IL16: variants seen among roughly 807,000 people sequenced by gnomAD.
The protein encoded by IL16 is interleukin 16.
Under a neutral mutation model 110.1 loss-of-function variants are expected in IL16, and 67 were observed. The ratio of observed to expected loss-of-function variants is 0.61; its 90% CI spans 0.50 to 0.75. The LOEUF (loss-of-function observed/expected upper bound fraction) is 0.75, where lower values mean the gene tolerates loss of function less well. Ranked by LOEUF, IL16 falls within the 30% of genes least tolerant of loss-of-function variation. The pLI is 0.00. For missense variants in IL16, 1,545 were observed against 1,655.0 expected (o/e 0.93, Z 1.15); for synonymous variants, 689 against 662.9 (o/e 1.04, Z -0.61).
chr15:81,261,912 T>C (rs200410038), intron 3 of IL16, among the ~76,000 whole-genome samples: 1 of 151,444 alleles, frequency 6.6e-6, no homozygotes, highest in Non-Finnish European at 1.5e-5. Flanking sequence ...CTACAAAAAA[T>C]TTTTTTAAAA....
chr15:81,267,489 C>CACACACACACACACACAT (rs1555420225), intron 4 of IL16, among the ~76,000 whole-genome samples: 3 of 142,602 alleles, frequency 2.1e-5, no homozygotes, highest in African/African-American at 8.8e-5. Context: ...GACACACACA[C>CACACACACACACACACAT]ACACACACAC....
chr15:81,263,205 G>T (rs1898227402), intron 3 of IL16, among the ~76,000 whole-genome samples: 1 of 152,130 alleles, frequency 6.6e-6, no homozygotes, highest in Admixed American at 6.5e-5. Flanking sequence ...GAAGAAGTTA[G>T]CTTGGTGTTA....
intron 1 of IL16, among the ~76,000 whole-genome samples, chr15:81,213,901 A>ATTTTGATCCTGTCCTCATG (rs1256007793): frequency 2.6e-5 from 4 of 152,066 alleles, no homozygotes; most frequent in African/African-American, 9.7e-5. Flanking sequence ...GATATGCGTG[A>ATTTTGATCCTGTCCTCATG]TTTTGATCCT....
At chr15:81,208,637 T>G (rs1395012236) in intron 1 of IL16, among the ~76,000 whole-genome samples, 1 of 152,258 alleles carries the variant, frequency 6.6e-6, no homozygotes, top group African/African-American at 2.4e-5. Flanking sequence ...GTCCATATTT[T>G]GGTTTTAAAA....
At chr15:81,289,961 C>T (rs541026811) in intron 10 of IL16, 4 of 435,436 alleles carry the variant, frequency 9.2e-6, no homozygotes, top group Non-Finnish European at 1.8e-5. Flanking sequence ...CACACCTAGA[C>T]AGTAGAGGAA....
At chr15:81,198,247 A>T (rs8043462) in intron 1 of IL16, among the ~76,000 whole-genome samples, 3 of 151,950 alleles carry the variant, frequency 2.0e-5, no homozygotes, top group Non-Finnish European at 2.9e-5. Context: ...CCAGGCACCA[A>T]GCTAAAATAT....
chr15:81,285,663 C>T, intron 9 of IL16, 35 bp from the exon 10 acceptor site: 1 of 1,610,786 alleles, frequency 6.2e-7, no homozygotes, highest in Non-Finnish European at 8.5e-7. Context: ...CTCATTGATT[C>T]ACTTACTGAT....
rs573326395 is a variant in IL16 at position 81,216,132 on chromosome 15, G to A, written c.-101-9167G>A. Among the ~76,000 whole-genome samples the A allele has an allele frequency of 5.3e-5, 8 of 152,336 alleles. No homozygotes were observed. In the South Asian group the frequency reaches 8.3e-4, roughly 16 times the overall value. ...AGCTGGGGCCAGCGCCTCCCAGAGGGGAATAGAGAGTCCTGGGGGATGACC... is the reference window on the plus strand; with the variant it reads ...AGCTGGGGCCAGCGCCTCCCAGAGGAGAATAGAGAGTCCTGGGGGATGACC... On this transcript the variant is annotated intron_variant, in intron 1 of 18. Transcript: ENST00000683961.
intron 1 of IL16, among the ~76,000 whole-genome samples, chr15:81,203,118 G>A (rs939152444): frequency 6.6e-6 from 1 of 151,812 alleles, no homozygotes; most frequent in African/African-American, 2.4e-5. Flanking sequence ...CTGCGTAAAT[G>A]TCTTCTTTTG....
chr15:81,306,385 G>C, intron 17 of IL16, 35 bp from the exon 18 acceptor site: 1 of 1,610,578 alleles, frequency 6.2e-7, no homozygotes, highest in Non-Finnish European at 8.5e-7. Flanking sequence ...TGGGAGAGGA[G>C]AGGATCCCTA....
Position 81,231,180 on chromosome 15 carries a change from CA to C in IL16, c.312+5471del, listed in dbSNP as rs1344045023. 5.3e-5 allele frequency among the ~76,000 whole-genome samples: 8 copies of C among 151,482 alleles called. 1 individual carries two copies. Among genetic ancestry groups the C allele is most frequent in the Admixed American group, 5.3e-4 (8 of 15,190 alleles). ...AGCATAACAATATAACATAATATAACAATAACATAACATAGCAACATAACAT... is the reference window on the plus strand; with the variant it reads ...AGCATAACAATATAACATAATATAACATAACATAACATAGCAACATAACAT... On this transcript the variant is annotated intron_variant, in intron 2 of 18. Coordinates refer to ENST00000683961, the MANE Select transcript of IL16 (RefSeq NM_172217.5).
chr15:81,245,724 CTTTTTTT>C (rs1009292228), intron 2 of IL16, among the ~76,000 whole-genome samples: 16 of 61,270 alleles, frequency 2.6e-4, no homozygotes, highest in Non-Finnish European at 3.0e-4. Flanking sequence ...TTTGTTTTGG[CTTTTTTT>C]TTTTTTTTTT....
upstream of IL16, among the ~76,000 whole-genome samples, chr15:81,192,116 A>G (rs1303896973): frequency 6.6e-6 from 1 of 152,236 alleles, no homozygotes; most frequent in Non-Finnish European, 1.5e-5. Context: ...CACGTAAGCC[A>G]TGAACTTTAG....
chr15:81,207,246 C>CAAAAAAAAAA (rs60442931), intron 1 of IL16, among the ~76,000 whole-genome samples: 14 of 102,444 alleles, frequency 1.4e-4, no homozygotes, highest in Non-Finnish European at 1.7e-4. Flanking sequence ...TCAAAAAAAA[C>CAAAAAAAAAA]AAAAAAAAAA....
chr15:81,227,709 T>A (rs543091298), intron 2 of IL16, among the ~76,000 whole-genome samples: 1 of 152,248 alleles, frequency 6.6e-6, no homozygotes, highest in South Asian at 2.1e-4. Flanking sequence ...AAAGGAGCAC[T>A]CTGACTGCTG....
At chr15:81,225,223 A>C (rs1896746477) in intron 1 of IL16, 76 bp from the exon 2 acceptor site, 1 of 1,249,284 alleles carries the variant, frequency 8.0e-7, no homozygotes, top group Admixed American at 2.7e-5. Flanking sequence ...CCCGTGGCTC[A>C]GATCCAGGAC....
chr15:81,202,303 A>G (rs1310368579), intron 1 of IL16, among the ~76,000 whole-genome samples: 2 of 152,294 alleles, frequency 1.3e-5, no homozygotes, highest in African/African-American at 4.8e-5. Flanking sequence ...GTGCTTTGGT[A>G]GTGGAAGAAC....
At chr15:81,295,173 ACAAACAAAAAAAC>A (rs1357799597) in intron 12 of IL16, among the ~76,000 whole-genome samples, 2 of 152,196 alleles carry the variant, frequency 1.3e-5, no homozygotes, top group Non-Finnish European at 2.9e-5. Context: ...TTCTTAGAAA[ACAAACAAAAAAAC>A]CAAACAAAAA....
At chr15:81,231,326 C>CTG (rs1213700900) in intron 2 of IL16, among the ~76,000 whole-genome samples, 6 of 65,988 alleles carry the variant, frequency 9.1e-5, no homozygotes, top group African/African-American at 3.7e-4. Context: ...GTCGGTCTGT[C>CTG]TCTCTCTCTC....
Sources: gnomAD v4.1 joint callset for allele counts (sites outside exome capture counted in the v4.1 genomes callset) on GRCh38, gnomAD v4.1.1 for gene constraint, MANE v1.5 for transcripts, NCBI Gene and HGNC (gene_info 2026-07-23, HGNC 2026-07-21) for gene names.